Variants in PPP3CC observed in about 807,000 individuals in gnomAD.
PPP3CC encodes the protein serine/threonine-protein phosphatase 2B catalytic subunit gamma isoform.
PPP3CC carries 35 observed loss-of-function variants against 60.3 expected under a neutral mutation model. The ratio of observed to expected loss-of-function variants is 0.58; its 90% CI spans 0.44 to 0.77. The LOEUF (loss-of-function observed/expected upper bound fraction) is 0.77, where lower values mean the gene tolerates loss of function less well. Among genes scored for constraint, PPP3CC ranks in the 30% least tolerant of loss-of-function variants. The pLI, the probability that PPP3CC is intolerant of heterozygous loss-of-function variation, is 0.00. For missense variants in PPP3CC, 570 were observed against 628.9 expected (o/e 0.91, Z 1.00); for synonymous variants, 206 against 224.3 (o/e 0.92, Z 0.73).
intron 1 of PPP3CC, among the ~76,000 whole-genome samples, chr8:22,457,130 T>A (rs936528545): frequency 1.4e-5 from 2 of 147,252 alleles, no homozygotes; most frequent in Admixed American, 6.8e-5. Context: ...TCTCTCAATA[T>A]TCTGTAATAT....
intron 4 of PPP3CC, among the ~76,000 whole-genome samples, chr8:22,502,101 A>G (rs955883501): frequency 6.6e-6 from 1 of 152,208 alleles, no homozygotes; most frequent in East Asian, 1.9e-4. Flanking sequence ...TTCTTTTGCC[A>G]TATAATGGGA....
chr8:22,441,328 G>C lies in PPP3CC; in HGVS notation c.-82G>C, dbSNP rs1048582506. The C allele has an allele frequency of 2.4e-5, 34 of 1,408,760 alleles. No homozygotes were observed. Among genetic ancestry groups the C allele is most frequent in the Non-Finnish European group, 3.1e-5 (33 of 1,054,222 alleles). The allele number at this position is 1,408,760 out of a possible 1,614,324, so 87.3% of individuals were successfully genotyped here. A position where few individuals can be genotyped will look rare whatever the true frequency, so the allele number is the denominator to read the frequency against. On this transcript the variant is annotated 5_prime_UTR_variant, in exon 1 of 14. Coordinates refer to ENST00000240139, the MANE Select transcript of PPP3CC (RefSeq NM_005605.5). The stretch of plus-strand genomic sequence containing the variant: ...CTGGCTGACGGCTCCGGGCAGCTAA[G>C]GCTGCCCGAGGAGAAGGCGGCGGCC...
intron 4 of PPP3CC, among the ~76,000 whole-genome samples, chr8:22,500,662 G>T (rs1255699962): frequency 6.6e-6 from 1 of 152,056 alleles, no homozygotes; most frequent in Admixed American, 6.5e-5. Flanking sequence ...ATCCCTCCTA[G>T]TAGAGCCTCA....
chr8:22,503,718 A>C (rs1838829491), intron 4 of PPP3CC, among the ~76,000 whole-genome samples: 1 of 152,110 alleles, frequency 6.6e-6, no homozygotes, highest in Non-Finnish European at 1.5e-5. Context: ...TTCTTACCTT[A>C]GGTTTTTATT....
chr8:22,451,988 G>C (rs1353041488), intron 1 of PPP3CC, among the ~76,000 whole-genome samples: 1 of 149,016 alleles, frequency 6.7e-6, no homozygotes, highest in Non-Finnish European at 1.5e-5. Context: ...TTTTATATCT[G>C]TGAATGGGCT....
In PPP3CC at chr8:22,449,745, G is replaced by A. The variant is rs192669761; in HGVS notation, c.49+8287G>A. On this transcript the variant is annotated intron_variant, in intron 1 of 13. Transcript: ENST00000240139. ...GAAGATGGGCAAACTAGAAGGGCCA[G>A]AGAACTGAAATACATAAAATGAAGA... 1.2e-3 allele frequency among the ~76,000 whole-genome samples: 183 copies of A among 152,158 alleles called. 1 individual carries two copies. Among genetic ancestry groups the A allele is most frequent in the Middle Eastern group, 3.4e-3 (1 of 294 alleles).
chr8:22,503,314 C>T (rs1402373879), intron 4 of PPP3CC, among the ~76,000 whole-genome samples: 1 of 152,048 alleles, frequency 6.6e-6, no homozygotes, highest in African/African-American at 2.4e-5. Flanking sequence ...TTAGGGTATT[C>T]CTTAACACCT....
At chr8:22,484,499 G>A (rs1440367432) in intron 3 of PPP3CC, among the ~76,000 whole-genome samples, 1 of 152,124 alleles carries the variant, frequency 6.6e-6, no homozygotes, top group African/African-American at 2.4e-5. Flanking sequence ...ATGGAATAAG[G>A]CCAAACTTAA....
rs1344655771 is a variant in PPP3CC at position 22,441,458 on chromosome 8, G to C, written c.49G>C (p.Ala17Pro). The change falls in exon 1 of 14, where the codon GCT (alanine) becomes CCT (proline). Residue 17 changes from alanine to proline, a missense_variant and splice_region_variant. Transcript: ENST00000240139. The stretch of plus-strand genomic sequence containing the variant: ...CTCCACCACCGACCGCGTCATCAAA[G>C]GTGCCTGGCGGGCCGGGCCTTCCTC... ...HLSTTDRVIKAVPFPPTQRLT... is the reference protein window; with the variant it reads ...HLSTTDRVIKPVPFPPTQRLT... 3 of 1,541,388 alleles carry C rather than the reference G, an allele frequency of 1.9e-6. No individual in the cohort carries two copies. The highest frequency in any genetic ancestry group is 2.6e-6 in the Non-Finnish European group (3 of 1,143,306).
intron 3 of PPP3CC, among the ~76,000 whole-genome samples, chr8:22,485,684 A>G (rs1838203016): frequency 6.6e-6 from 1 of 152,242 alleles, no homozygotes; most frequent in African/African-American, 2.4e-5. Flanking sequence ...GTCAAAGTCA[A>G]ATGAAACACA....
chr8:22,477,880 C>T (rs923309298), intron 3 of PPP3CC, among the ~76,000 whole-genome samples: 7 of 150,514 alleles, frequency 4.7e-5, no homozygotes, highest in African/African-American at 1.5e-4. Context: ...GACAGAGTTT[C>T]GCTTTTGTTG....
intron 6 of PPP3CC, among the ~76,000 whole-genome samples, chr8:22,520,684 T>C (rs1000273385): frequency 6.6e-6 from 1 of 152,226 alleles, no homozygotes; most frequent in Non-Finnish European, 1.5e-5. Context: ...TCTGTTTCTT[T>C]ATTAAACATC....
chr8:22,514,207 C>T (rs1054137874), intron 6 of PPP3CC, among the ~76,000 whole-genome samples: 2 of 136,642 alleles, frequency 1.5e-5, no homozygotes, highest in Non-Finnish European at 3.0e-5. Flanking sequence ...AAGATTGTGC[C>T]ACTACACACC....
chr8:22,490,519 T>G (rs926883988), intron 3 of PPP3CC, among the ~76,000 whole-genome samples: 6 of 152,142 alleles, frequency 3.9e-5, no homozygotes, highest in African/African-American at 1.4e-4. Flanking sequence ...TTGTTACATA[T>G]GTATACATGT....
intron 1 of PPP3CC, among the ~76,000 whole-genome samples, chr8:22,455,795 G>T (rs1837177859): frequency 6.6e-6 from 1 of 151,776 alleles, no homozygotes. Context: ...CTAATACTTT[G>T]AAAGTGAGTT....
chr8:22,462,041 C>T (rs184482729), intron 1 of PPP3CC, among the ~76,000 whole-genome samples: 1 of 152,110 alleles, frequency 6.6e-6, no homozygotes, highest in East Asian at 1.9e-4. Flanking sequence ...TTGAGACTAG[C>T]CTGTTTAACT....
At chr8:22,519,587 T>C (rs1380409382) in intron 6 of PPP3CC, among the ~76,000 whole-genome samples, 1 of 152,220 alleles carries the variant, frequency 6.6e-6, no homozygotes, top group Non-Finnish European at 1.5e-5. Context: ...TGAGAAGAAA[T>C]TACTTTCAAT....
At chr8:22,503,098 A>G (rs1007925720) in intron 4 of PPP3CC, among the ~76,000 whole-genome samples, 5 of 152,090 alleles carry the variant, frequency 3.3e-5, no homozygotes, top group African/African-American at 1.2e-4. Flanking sequence ...TTATTTTTCA[A>G]ATTGGTAATT....
intron 3 of PPP3CC, among the ~76,000 whole-genome samples, chr8:22,487,384 G>C (rs1284122588): frequency 1.3e-5 from 2 of 152,158 alleles, no homozygotes; most frequent in Non-Finnish European, 2.9e-5. Flanking sequence ...AGCACTTTGG[G>C]AGGCCAAGGA....
Sources: gnomAD v4.1 joint callset for allele counts (sites outside exome capture counted in the v4.1 genomes callset) on GRCh38, gnomAD v4.1.1 for gene constraint, MANE v1.5 for transcripts, NCBI Gene and HGNC (gene_info 2026-07-23, HGNC 2026-07-21) for gene names.